MYH3: variants seen among roughly 807,000 people sequenced by gnomAD.
The protein encoded by MYH3 is myosin-3.
MYH3 carries 130 observed loss-of-function variants against 238.0 expected under a neutral mutation model. The observed-to-expected ratio is 0.55, with a 90% CI of 0.47 to 0.63. The LOEUF (loss-of-function observed/expected upper bound fraction) is 0.63. Ranked by LOEUF, MYH3 falls within the 30% of genes least tolerant of loss-of-function variation. MYH3 has a pLI of 0.00. For missense variants in MYH3, 1,853 were observed against 2,374.9 expected (o/e 0.78, Z 4.57); for synonymous variants, 880 against 924.1 (o/e 0.95, Z 0.86).
rs757372635 is a variant in MYH3 at position 10,630,209 on chromosome 17, G to T, written c.5458-13C>A. 6.2e-7 allele frequency: 1 copy of T among 1,614,142 alleles called. No individual in the cohort carries two copies. Among genetic ancestry groups the T allele is most frequent in the South Asian group, 1.1e-5 (1 of 91,084 alleles). On this transcript the variant is annotated splice_polypyrimidine_tract_variant and intron_variant, in intron 37 of 40. Coordinates refer to ENST00000583535, the MANE Select transcript of MYH3 (RefSeq NM_002470.4). ...CCAGCTCTCGGATCTGGGGGAGAGGGTGGGGAAATTAGTCTGGGGCTGCAG... is the reference window on the plus strand; with the variant it reads ...CCAGCTCTCGGATCTGGGGGAGAGGTTGGGGAAATTAGTCTGGGGCTGCAG...
At chr17:10,643,686 G>A (rs1050292897) in intron 14 of MYH3, among the ~76,000 whole-genome samples, 2 of 152,128 alleles carry the variant, frequency 1.3e-5, no homozygotes, top group Non-Finnish European at 1.5e-5. Context: ...GGCTATGCAC[G>A]GTCTAACACA....
chr17:10,649,998 A>C (rs7406933), intron 6 of MYH3, among the ~76,000 whole-genome samples: 1 of 151,710 alleles, frequency 6.6e-6, no homozygotes, highest in African/African-American at 2.4e-5. Context: ...TTGAGACAGA[A>C]TCTCACTCTG....
chr17:10,647,832 C>T (rs1282877350), intron 8 of MYH3, among the ~76,000 whole-genome samples: 5 of 152,224 alleles, frequency 3.3e-5, no homozygotes, highest in Admixed American at 2.6e-4. Context: ...CGTGAGCCAC[C>T]GTGCCCAGCA....
intron 5 of MYH3, among the ~76,000 whole-genome samples, chr17:10,650,961 G>A (rs2074368040): frequency 6.6e-6 from 1 of 152,090 alleles, no homozygotes. Context: ...GGCTGTGGCA[G>A]GCAGATCACG....
At chr17:10,632,875 G>T in intron 33 of MYH3, 91 bp from the exon 34 acceptor site, 1 of 1,316,116 alleles carries the variant, frequency 7.6e-7, no homozygotes, top group Non-Finnish European at 1.1e-6. Context: ...CAATGGAATA[G>T]TCCTAAATCT....
chr17:10,648,728 T>C, intron 7 of MYH3, 79 bp from the exon 8 acceptor site: 1 of 1,253,456 alleles, frequency 8.0e-7, no homozygotes, highest in Non-Finnish European at 1.2e-6. Flanking sequence ...CAGGCTGCAG[T>C]GCAATGGCAC....
chr17:10,651,362 T>G, intron 5 of MYH3, 150 bp downstream of exon 5: 1 of 1,416,874 alleles, frequency 7.1e-7, no homozygotes, highest in Non-Finnish European at 9.9e-7. Context: ...CCCTACATGA[T>G]GCAGCCCCTT....
intron 32 of MYH3, 142 bp downstream of exon 32, chr17:10,633,875 C>T (rs931184141): frequency 1.1e-5 from 16 of 1,470,736 alleles, no homozygotes; most frequent in Admixed American, 3.4e-5. Flanking sequence ...AAACGTAACC[C>T]GTCAGATGGT....
At chr17:10,668,710 G>T in the MYH3 span, among the ~76,000 whole-genome samples, 1 of 152,114 alleles carries the variant, frequency 6.6e-6, no homozygotes, top group East Asian at 1.9e-4. Context: ...TGAAATATTT[G>T]GAGAAAGGTA....
chr17:10,665,971 T>C, the MYH3 span, among the ~76,000 whole-genome samples: 3 of 152,184 alleles, frequency 2.0e-5, no homozygotes, highest in Non-Finnish European at 4.4e-5. Flanking sequence ...GGAAATGTGA[T>C]ACCTGAAATG....
chr17:10,634,727 G>T lies in MYH3; in HGVS notation c.4356+113C>A, dbSNP rs375524632. ...CGGTGAAGTTCAGGGACTTGCCCAA[G>T]GCCACACTGCTGGTGAGGGCAGAGT... On this transcript the variant is annotated intron_variant, in intron 31 of 40. Transcript: ENST00000583535. The T allele has an allele frequency of 9.8e-6, 13 of 1,329,666 alleles. 1 individual carries two copies. The allele number at this position is 1,329,666 out of a possible 1,614,324, so 82.4% of individuals were successfully genotyped here. A position where few individuals can be genotyped will look rare whatever the true frequency, so the allele number is the denominator to read the frequency against.
At chr17:10,644,807 TC>T in intron 12 of MYH3, 105 bp from the exon 13 acceptor site, 1 of 876,166 alleles carries the variant, frequency 1.1e-6, no homozygotes, top group Non-Finnish European at 1.9e-6. Flanking sequence ...CATTGTGCAT[TC>T]CCTGTGGCTA....
At chr17:10,647,865 T>C (rs1402713422) in intron 8 of MYH3, among the ~76,000 whole-genome samples, 1 of 152,134 alleles carries the variant, frequency 6.6e-6, no homozygotes, top group Non-Finnish European at 1.5e-5. Context: ...TGAAATTAGA[T>C]ATGTCCTTCC....
chr17:10,630,550 T>C, intron 36 of MYH3, 92 bp from the exon 37 acceptor site: 4 of 1,581,270 alleles, frequency 2.5e-6, no homozygotes, highest in Non-Finnish European at 3.5e-6. Flanking sequence ...CCAGAGACCA[T>C]GCTAAAGAAA....
At chr17:10,651,418 C>T in intron 5 of MYH3, 94 bp downstream of exon 5, 1 of 1,601,602 alleles carries the variant, frequency 6.2e-7, no homozygotes. Flanking sequence ...GTGCTAAACA[C>T]CAGATGGGGT....
chr17:10,632,924 C>A, intron 33 of MYH3, 140 bp from the exon 34 acceptor site: 3 of 1,007,792 alleles, frequency 3.0e-6, no homozygotes, highest in Non-Finnish European at 4.5e-6. Flanking sequence ...TAAATGTCCC[C>A]AAATTGGCCG....
the MYH3 span, among the ~76,000 whole-genome samples, chr17:10,662,911 ACC>A: frequency 6.6e-6 from 1 of 152,170 alleles, no homozygotes; most frequent in East Asian, 1.9e-4. Flanking sequence ...ACATGTTGAA[ACC>A]CTGTATCTGC....
chr17:10,677,336 A>G, the MYH3 span: 2 of 152,072 alleles, frequency 1.3e-5, no homozygotes, highest in East Asian at 3.9e-4. Context: ...ACAACAACAA[A>G]ATAAAAACCA....
chr17:10,634,938 G>T lies in MYH3; in HGVS notation c.4258C>A (p.Gln1420Lys), dbSNP rs1180597603. 6.2e-7 allele frequency: 1 copy of T among 1,614,108 alleles called. No individual in the cohort carries two copies. The highest frequency in any genetic ancestry group is 1.7e-5 in the Admixed American group (1 of 60,016). Residue 1420 changes from glutamine (Q) to lysine (K), a missense_variant, in exon 31 of 41, where the codon CAG becomes AAG. Coordinates refer to ENST00000583535, the MANE Select transcript of MYH3 (RefSeq NM_002470.4). ...AKCASLEKTK[Q>K]RLQGEVEDLM... is the part of the protein sequence containing the mutation. Reference sequence around the variant, plus strand: ...TCCTCCACCTCTCCTTGCAGCCTCTGCTTGGTCTTCTCCAGTGAAGCACAT... The same window carrying T: ...TCCTCCACCTCTCCTTGCAGCCTCTTCTTGGTCTTCTCCAGTGAAGCACAT...
Sources: gnomAD v4.1 joint callset for allele counts (sites outside exome capture counted in the v4.1 genomes callset) on GRCh38, gnomAD v4.1.1 for gene constraint, MANE v1.5 for transcripts, NCBI Gene and HGNC (gene_info 2026-07-23, HGNC 2026-07-21) for gene names.